Variants in RBPMS observed in about 807,000 individuals in gnomAD.
The protein encoded by RBPMS is RNA binding protein, mRNA processing factor.
RBPMS carries 7 observed loss-of-function variants against 26.8 expected under a neutral mutation model. The ratio of observed to expected loss-of-function variants is 0.26; its 90% CI spans 0.15 to 0.49. The LOEUF (loss-of-function observed/expected upper bound fraction) is 0.49, where lower values mean the gene tolerates loss of function less well. Ranked by LOEUF, RBPMS falls within the 20% of genes least tolerant of loss-of-function variation. The probability of loss-of-function intolerance (pLI) is 0.98; values close to 1 mark genes in which losing one functional copy is unlikely to be tolerated. For synonymous variants in RBPMS, 96 were observed against 93.3 expected (o/e 1.03, Z -0.17); for missense variants, 186 against 250.0 (o/e 0.74, Z 1.73).
intron 6 of RBPMS, among the ~76,000 whole-genome samples, chr8:30,549,812 CT>C (rs1349533194): frequency 1.3e-4 from 18 of 140,916 alleles, no homozygotes; most frequent in East Asian, 2.1e-4. Flanking sequence ...TCTCCTCTCT[CT>C]CTCTCTCTCT....
intron 1 of RBPMS, among the ~76,000 whole-genome samples, chr8:30,431,665 G>C (rs1811945641): frequency 6.6e-6 from 1 of 152,058 alleles, no homozygotes; most frequent in African/African-American, 2.4e-5. Flanking sequence ...TGGCTAGGCT[G>C]GTCTCGAACT....
chr8:30,539,292 C>T (rs1313302299), intron 5 of RBPMS, among the ~76,000 whole-genome samples: 1 of 152,156 alleles, frequency 6.6e-6, no homozygotes, highest in Non-Finnish European at 1.5e-5. Context: ...AAAAGCCAGA[C>T]ATAAAGACCA....
In RBPMS at chr8:30,479,307, T is replaced by A. The variant is rs764855257; in HGVS notation, c.184-8T>A. On this transcript the variant is annotated splice_region_variant and splice_polypyrimidine_tract_variant and intron_variant, in intron 3 of 8. Transcript: ENST00000397323. Reference sequence around the variant, plus strand: ...TTTTTTCTTCATATTTCTCTTTTTTTTTCTCAGCCTGTAGGTTTTGTCAGT... The same window carrying A: ...TTTTTTCTTCATATTTCTCTTTTTTATTCTCAGCCTGTAGGTTTTGTCAGT... 1.2e-6 allele frequency: 2 copies of A among 1,609,772 alleles called. No homozygotes were observed. Among genetic ancestry groups the A allele is most frequent in the South Asian group, 2.2e-5 (2 of 90,344 alleles).
intron 1 of RBPMS, among the ~76,000 whole-genome samples, chr8:30,462,767 G>T (rs78569771): frequency 6.6e-6 from 1 of 152,130 alleles, no homozygotes; most frequent in African/African-American, 2.4e-5. Flanking sequence ...CTCAAAAATG[G>T]AATATAAAGA....
At chr8:30,488,358 T>C (rs1819012939) in intron 4 of RBPMS, among the ~76,000 whole-genome samples, 1 of 152,212 alleles carries the variant, frequency 6.6e-6, no homozygotes, top group African/African-American at 2.4e-5. Context: ...CTGTATAATG[T>C]CTCACAGAAT....
intron 5 of RBPMS, among the ~76,000 whole-genome samples, chr8:30,525,116 T>C (rs1213043771): frequency 2.0e-5 from 3 of 152,282 alleles, no homozygotes; most frequent in Admixed American, 1.3e-4. Context: ...TTCTGGTAAA[T>C]AGTTAAAGAT....
At chr8:30,515,959 T>C (rs1025849040) in intron 5 of RBPMS, among the ~76,000 whole-genome samples, 1 of 152,240 alleles carries the variant, frequency 6.6e-6, no homozygotes, top group Non-Finnish European at 1.5e-5. Context: ...CCTTACCTTT[T>C]TTAACTTCAA....
chr8:30,514,870 T>C, intron 5 of RBPMS, among the ~76,000 whole-genome samples: 1 of 151,854 alleles, frequency 6.6e-6, no homozygotes, highest in Non-Finnish European at 1.5e-5. Context: ...GGTCAACATT[T>C]AGAAGATCCA....
intron 1 of RBPMS, among the ~76,000 whole-genome samples, chr8:30,415,086 C>G: frequency 6.6e-6 from 1 of 152,182 alleles, no homozygotes; most frequent in East Asian, 1.9e-4. Context: ...TAGCTGGATG[C>G]TAATGTGTCC....
At chr8:30,450,381 A>G (rs1314970899) in intron 1 of RBPMS, among the ~76,000 whole-genome samples, 1 of 152,226 alleles carries the variant, frequency 6.6e-6, no homozygotes, top group Non-Finnish European at 1.5e-5. Context: ...ACTTAGTTTC[A>G]GTCTGGTGGA....
chr8:30,466,875 G>A lies in RBPMS; in HGVS notation c.67-7904G>A, dbSNP rs548287497. Among the ~76,000 whole-genome samples, 11 of 152,262 alleles carry A rather than the reference G, an allele frequency of 7.2e-5. No homozygotes were observed. The East Asian group carries it at 2.1e-3, about 29-fold the overall frequency. ...CTCCCAAAGTGCTGGGATTACAGGC[G>A]TGAGCCACCAAACCCGGCCAGTGGC... On this transcript the variant is annotated intron_variant, in intron 1 of 8. Coordinates refer to ENST00000397323, the MANE Select transcript of RBPMS (RefSeq NM_001008710.3).
At chr8:30,437,490 A>C (rs1257608077) in intron 1 of RBPMS, among the ~76,000 whole-genome samples, 1 of 150,550 alleles carries the variant, frequency 6.6e-6, no homozygotes. Flanking sequence ...CTCCATCTCT[A>C]CTAAAAATGC....
At chr8:30,567,971 A>ACCTACC (rs1337442025) in intron 8 of RBPMS, among the ~76,000 whole-genome samples, 1 of 152,078 alleles carries the variant, frequency 6.6e-6, no homozygotes, top group Non-Finnish European at 1.5e-5. Flanking sequence ...TGCTTATGTG[A>ACCTACC]CCTACCCTTG....
intron 1 of RBPMS, among the ~76,000 whole-genome samples, chr8:30,443,927 G>GA (rs1813427795): frequency 6.7e-6 from 1 of 148,966 alleles, no homozygotes; most frequent in Non-Finnish European, 1.5e-5. Context: ...AATTCACTGA[G>GA]ACAGAGTCTG....
At chr8:30,476,441 G>A (rs564468776) in intron 2 of RBPMS, among the ~76,000 whole-genome samples, 3 of 152,244 alleles carry the variant, frequency 2.0e-5, no homozygotes, top group African/African-American at 7.2e-5. Flanking sequence ...AGTTTTTTCA[G>A]AAGAGAGCAC....
At chr8:30,435,129 C>T (rs1025484835) in intron 1 of RBPMS, among the ~76,000 whole-genome samples, 2 of 152,162 alleles carry the variant, frequency 1.3e-5, no homozygotes, top group African/African-American at 4.8e-5. Context: ...CATGACGCCT[C>T]ACATCTCACC....
intron 6 of RBPMS, chr8:30,555,954 C>G (rs1826863010): frequency 2.0e-6 from 2 of 985,344 alleles, no homozygotes; most frequent in African/African-American, 3.5e-5. Flanking sequence ...ACCATGAGCC[C>G]TGCCGCTCTG....
chr8:30,519,458 C>CTTTTTT (rs36017963), intron 5 of RBPMS, among the ~76,000 whole-genome samples: 1 of 89,460 alleles, frequency 1.1e-5, no homozygotes, highest in African/African-American at 4.4e-5. Context: ...GGATCTCTCT[C>CTTTTTT]TTTTTTTTTT....
At chr8:30,417,730 G>C (rs943063515) in intron 1 of RBPMS, among the ~76,000 whole-genome samples, 5 of 147,040 alleles carry the variant, frequency 3.4e-5, no homozygotes, top group African/African-American at 1.4e-4. Flanking sequence ...TTAACTTGAC[G>C]TTAAAGTTTA....
Sources: gnomAD v4.1 joint callset for allele counts (sites outside exome capture counted in the v4.1 genomes callset) on GRCh38, gnomAD v4.1.1 for gene constraint, MANE v1.5 for transcripts, NCBI Gene and HGNC (gene_info 2026-07-23, HGNC 2026-07-21) for gene names.